LRGUK: variants seen among roughly 807,000 people sequenced by gnomAD.
LRGUK encodes leucine-rich repeat and guanylate kinase domain-containing protein.
LRGUK carries 65 observed loss-of-function variants against 76.0 expected under a neutral mutation model. That is an observed-to-expected ratio of 0.85 (90% CI 0.70 to 1.05). The LOEUF (loss-of-function observed/expected upper bound fraction) is 1.05, where lower values mean the gene tolerates loss of function less well. Ranked by LOEUF, LRGUK falls within the 50% of genes least tolerant of loss-of-function variation. The probability of loss-of-function intolerance (pLI) is 0.00; values close to 1 mark genes in which losing one functional copy is unlikely to be tolerated. For synonymous variants in LRGUK, 268 were observed against 265.6 expected, an observed-to-expected ratio of 1.01 and a Z score of -0.09; for missense variants, 758 against 732.8, an observed-to-expected ratio of 1.03 and a Z score of -0.40.
chr7:134,165,718 C>T (rs775875790), intron 7 of LRGUK, among the ~76,000 whole-genome samples: 2 of 152,146 alleles, frequency 1.3e-5, no homozygotes, highest in Non-Finnish European at 2.9e-5. Flanking sequence ...TAAAGTATGT[C>T]TCAATTCATC....
the LRGUK span, among the ~76,000 whole-genome samples, chr7:134,274,633 T>C: frequency 1.9e-4 from 29 of 152,310 alleles, no homozygotes; most frequent in African/African-American, 5.5e-4. Flanking sequence ...TTTTGCTATA[T>C]AAATTTTGAT....
intron 5 of LRGUK, among the ~76,000 whole-genome samples, chr7:134,155,030 C>T (rs1334524429): frequency 6.6e-6 from 1 of 152,128 alleles, no homozygotes; most frequent in Admixed American, 6.5e-5. Context: ...TTTATTCTGC[C>T]ATGATTCAGA....
chr7:134,249,912 T>C (rs1802403715), intron 18 of LRGUK, among the ~76,000 whole-genome samples: 1 of 152,230 alleles, frequency 6.6e-6, no homozygotes. Flanking sequence ...TGCCATCTAC[T>C]ACGGGGTGCC....
intron 3 of LRGUK, chr7:134,141,739 T>C (rs1487808607): frequency 6.6e-6 from 1 of 152,170 alleles, no homozygotes; most frequent in Non-Finnish European, 1.5e-5. Context: ...CTGACAGACA[T>C]GTAGCTGAGC....
chr7:134,232,284 A>AT (rs199587725), intron 16 of LRGUK, among the ~76,000 whole-genome samples: 3,444 of 145,840 alleles, frequency 0.024, 115 homozygotes, highest in African/African-American at 0.079. Flanking sequence ...TTTTTAATTT[A>AT]TTTTTTTTTT....
intron 4 of LRGUK, among the ~76,000 whole-genome samples, chr7:134,145,841 A>G (rs1797947035): frequency 1.3e-5 from 2 of 152,206 alleles, no homozygotes; most frequent in South Asian, 2.1e-4. Context: ...GGGGACTTGT[A>G]TGTGCACTCT....
chr7:134,222,918 A>G (rs1040326706), intron 16 of LRGUK, among the ~76,000 whole-genome samples: 2 of 152,156 alleles, frequency 1.3e-5, no homozygotes, highest in Admixed American at 6.5e-5. Flanking sequence ...TGTTCTAAAC[A>G]AATAGGTGCA....
intron 5 of LRGUK, among the ~76,000 whole-genome samples, chr7:134,157,170 T>C (rs1023338362): frequency 6.6e-6 from 1 of 152,190 alleles, no homozygotes; most frequent in African/African-American, 2.4e-5. Context: ...TTAAGCCTCA[T>C]TGATTTTATG....
intron 17 of LRGUK, 112 bp from the exon 18 acceptor site, chr7:134,248,839 A>C: frequency 3.8e-6 from 3 of 780,698 alleles, no homozygotes; most frequent in Non-Finnish European, 5.3e-6. Context: ...TATTTCACAT[A>C]GATCTCATTG....
intron 13 of LRGUK, among the ~76,000 whole-genome samples, chr7:134,197,903 CTTTT>C (rs1800573031): frequency 1.3e-5 from 2 of 151,956 alleles, no homozygotes; most frequent in South Asian, 2.1e-4. Context: ...CAGTATGACA[CTTTT>C]GGAATTAAAA....
intron 16 of LRGUK, among the ~76,000 whole-genome samples, chr7:134,228,881 G>A (rs1293534562): frequency 6.6e-6 from 1 of 152,024 alleles, no homozygotes; most frequent in Non-Finnish European, 1.5e-5. Context: ...CTAATTGGGG[G>A]AAGGAGTAGA....
intron 6 of LRGUK, 92 bp downstream of exon 6, chr7:134,158,251 A>G (rs938685384): frequency 3.5e-6 from 4 of 1,156,494 alleles, no homozygotes; most frequent in Non-Finnish European, 4.8e-6. Context: ...TCAAATATAT[A>G]AAGAGAAAAT....
At chr7:134,239,740 C>T (rs1017476749) in intron 16 of LRGUK, among the ~76,000 whole-genome samples, 4 of 152,242 alleles carry the variant, frequency 2.6e-5, no homozygotes, top group Non-Finnish European at 2.9e-5. Flanking sequence ...TGAGAACAGA[C>T]AGACTGCCTC....
At chr7:134,174,273 T>G (rs1260943125) in intron 7 of LRGUK, among the ~76,000 whole-genome samples, 2 of 152,104 alleles carry the variant, frequency 1.3e-5, no homozygotes, top group African/African-American at 4.8e-5. Context: ...GAATGCTATT[T>G]TATTTCTGCC....
At chr7:134,252,165 T>C (rs1327190527) in intron 18 of LRGUK, among the ~76,000 whole-genome samples, 1 of 150,422 alleles carries the variant, frequency 6.6e-6, no homozygotes, top group African/African-American at 2.5e-5. Flanking sequence ...ATAGTGAGAC[T>C]CTGTTTATAC....
intron 13 of LRGUK, 107 bp downstream of exon 13, chr7:134,197,212 A>G: frequency 6.1e-6 from 4 of 659,754 alleles, no homozygotes; most frequent in Non-Finnish European, 1.1e-5. Context: ...TTACTGATAC[A>G]TAATTGAGGT....
chr7:134,240,847 C>T (rs1199789252), intron 16 of LRGUK, among the ~76,000 whole-genome samples: 9 of 152,156 alleles, frequency 5.9e-5, no homozygotes, highest in African/African-American at 9.7e-5. Flanking sequence ...AGAATAACAG[C>T]GGATATCTCA....
At chr7:134,243,745 A>G (rs567069650) in intron 16 of LRGUK, among the ~76,000 whole-genome samples, 1 of 152,294 alleles carries the variant, frequency 6.6e-6, no homozygotes, top group South Asian at 2.1e-4. Context: ...CATTGCCAAG[A>G]CAATCCTAAG....
chr7:134,263,190 A>G (rs727202), intron 19 of LRGUK, among the ~76,000 whole-genome samples: 51,874 of 151,812 alleles, frequency 0.34, 10,903 homozygotes, highest in South Asian at 0.5. Flanking sequence ...CCTCTGCTTT[A>G]CTTTCTCAAT....
Sources: gnomAD v4.1 joint callset for allele counts (sites outside exome capture counted in the v4.1 genomes callset) on GRCh38, gnomAD v4.1.1 for gene constraint, MANE v1.5 for transcripts, NCBI Gene and HGNC (gene_info 2026-07-23, HGNC 2026-07-21) for gene names.